The following IL19 variants were observed in gnomAD, a reference collection of about 807,000 sequenced individuals.
IL19 encodes interleukin 19.
IL19 carries 15 observed loss-of-function variants against 19.5 expected under a neutral mutation model. The observed-to-expected ratio is 0.77, with a 90% CI of 0.52 to 1.19. IL19 has a LOEUF of 1.19. Among genes scored for constraint, IL19 ranks in the 50% most tolerant of loss-of-function variants. IL19 has a pLI of 0.00. For missense variants in IL19, 199 were observed against 213.1 expected, an observed-to-expected ratio of 0.93 and a Z score of 0.41; for synonymous variants, 78 against 78.3, an observed-to-expected ratio of 1.00 and a Z score of 0.02.
chr1:206,807,221 A>G (rs1675870465), intron 2 of IL19, among the ~76,000 whole-genome samples: 1 of 152,216 alleles, frequency 6.6e-6, no homozygotes, highest in African/African-American at 2.4e-5. Flanking sequence ...GGTCCCTCCC[A>G]TGACATGTGG....
intron 2 of IL19, among the ~76,000 whole-genome samples, chr1:206,833,543 G>A (rs1676681365): frequency 6.6e-6 from 1 of 152,236 alleles, no homozygotes; most frequent in Admixed American, 6.5e-5. Context: ...TTAATGGGAA[G>A]AAACTGTTTA....
At position 206,771,366 on chromosome 1, in the gene IL19, T is replaced by C. The variant is rs545228684; in HGVS notation, c.-149+288T>C. 4 of 1,613,834 alleles carry C rather than the reference T, an allele frequency of 2.5e-6. No individual in the cohort carries two copies. The East Asian group carries it at 8.9e-5, about 36-fold the overall frequency. On this transcript the variant is annotated intron_variant, in intron 1 of 6. Transcript: ENST00000659997. ...CGCCCCTGCTCTCACCTTAAAGTCC[T>C]CCAGCAAGGACTCCTTTAACAACAA...
At chr1:206,811,225 G>A (rs913681406) in intron 2 of IL19, among the ~76,000 whole-genome samples, 2 of 152,048 alleles carry the variant, frequency 1.3e-5, no homozygotes, top group African/African-American at 4.8e-5. Flanking sequence ...AAGATGGCCA[G>A]CTACTAAAAT....
At chr1:206,820,616 G>A (rs1273432000) in intron 2 of IL19, among the ~76,000 whole-genome samples, 3 of 152,158 alleles carry the variant, frequency 2.0e-5, no homozygotes, top group East Asian at 1.9e-4. Flanking sequence ...CCACAACAGC[G>A]GCTTCAAATA....
At chr1:206,802,783 C>T (rs187126845) in intron 2 of IL19, among the ~76,000 whole-genome samples, 1 of 152,166 alleles carries the variant, frequency 6.6e-6, no homozygotes, top group Admixed American at 6.5e-5. Flanking sequence ...TTGCTCTGTC[C>T]TCTATGCCCA....
intron 5 of IL19, 98 bp downstream of exon 5, chr1:206,840,100 G>A: frequency 1.5e-6 from 2 of 1,341,702 alleles, no homozygotes. Flanking sequence ...ATGGTGCTTG[G>A]AGTCAAAGGA....
intron 2 of IL19, among the ~76,000 whole-genome samples, chr1:206,809,213 C>T (rs1256764321): frequency 1.3e-5 from 2 of 152,302 alleles, no homozygotes; most frequent in East Asian, 3.9e-4. Context: ...CTGCTATTTG[C>T]TATCTGTGTA....
chr1:206,834,909 G>A (rs1676733224), intron 2 of IL19, among the ~76,000 whole-genome samples: 1 of 152,134 alleles, frequency 6.6e-6, no homozygotes, highest in Admixed American at 6.5e-5. Flanking sequence ...TCAAACCCTG[G>A]CTTGGGCAGG....
At chr1:206,807,829 C>T (rs1365504501) in intron 2 of IL19, among the ~76,000 whole-genome samples, 4 of 152,160 alleles carry the variant, frequency 2.6e-5, no homozygotes, top group South Asian at 4.2e-4. Flanking sequence ...CAAAAAGAAA[C>T]ATTGAAATGG....
At chr1:206,833,466 T>C (rs1175095087) in intron 2 of IL19, among the ~76,000 whole-genome samples, 1 of 152,232 alleles carries the variant, frequency 6.6e-6, no homozygotes, top group African/African-American at 2.4e-5. Context: ...AGCGACTCCA[T>C]TTAGGTTTGG....
intron 2 of IL19, among the ~76,000 whole-genome samples, chr1:206,831,936 A>AG (rs1291532682): frequency 6.6e-6 from 1 of 152,238 alleles, no homozygotes; most frequent in East Asian, 1.9e-4. Context: ...CCTGAGCACA[A>AG]GGGGTGAATG....
chr1:206,839,763 G>C, intron 4 of IL19, 87 bp from the exon 5 acceptor site: 2 of 1,161,658 alleles, frequency 1.7e-6, no homozygotes, highest in Non-Finnish European at 2.5e-6. Flanking sequence ...TCTCTCATGT[G>C]TCGCTGCCCC....
At chr1:206,806,964 G>A (rs1013512983) in intron 2 of IL19, among the ~76,000 whole-genome samples, 7 of 152,148 alleles carry the variant, frequency 4.6e-5, no homozygotes, top group South Asian at 4.1e-4. Flanking sequence ...CCCAAGACTG[G>A]GTAATTTATA....
chr1:206,788,591 C>G (rs1229166070), intron 1 of IL19, among the ~76,000 whole-genome samples: 1 of 151,618 alleles, frequency 6.6e-6, no homozygotes, highest in Non-Finnish European at 1.5e-5. Flanking sequence ...ATGAACTGTA[C>G]AGTGGTGAAA....
At chr1:206,817,006 C>G (rs915708320) in intron 2 of IL19, among the ~76,000 whole-genome samples, 3 of 152,144 alleles carry the variant, frequency 2.0e-5, no homozygotes, top group African/African-American at 7.2e-5. Flanking sequence ...AACAGAAACT[C>G]TTGAGCTGGC....
At chr1:206,772,485 C>T (rs1487090769) in intron 1 of IL19, 2 of 1,576,912 alleles carry the variant, frequency 1.3e-6, no homozygotes, top group African/African-American at 2.7e-5. Flanking sequence ...AGAGCAAGCC[C>T]CTGATGTGTA....
rs1386697915 is a variant in IL19, at chr1:206,798,911, C to T, written c.-98C>T. Reference sequence around the variant, plus strand: ...AGTCCAAGAATGTGCACTGAGGGAGCGTTTCCGCACAGATCTGCGTGTTCC... The same window carrying T: ...AGTCCAAGAATGTGCACTGAGGGAGTGTTTCCGCACAGATCTGCGTGTTCC... On this transcript the variant is annotated 5_prime_UTR_variant, in exon 2 of 7. Coordinates refer to ENST00000659997, the MANE Select transcript of IL19 (RefSeq NM_153758.5). The T allele has an allele frequency of 8.7e-6, 14 of 1,612,296 alleles. No homozygotes were observed. Among genetic ancestry groups the T allele is most frequent in the Admixed American group, 8.3e-5 (5 of 59,888 alleles).
At chr1:206,798,740 C>T in intron 1 of IL19, 121 bp from the exon 2 acceptor site, 2 of 585,678 alleles carry the variant, frequency 3.4e-6, no homozygotes. Flanking sequence ...TTCAGAGTAG[C>T]TGGGTTGAAT....
At chr1:206,808,847 G>A (rs901673866) in intron 2 of IL19, among the ~76,000 whole-genome samples, 8 of 152,182 alleles carry the variant, frequency 5.3e-5, no homozygotes, top group Non-Finnish European at 1.2e-4. Flanking sequence ...CAAAGAAGGT[G>A]AGAGACAGAT....
Sources: gnomAD v4.1 joint callset for allele counts (sites outside exome capture counted in the v4.1 genomes callset) on GRCh38, gnomAD v4.1.1 for gene constraint, MANE v1.5 for transcripts, NCBI Gene and HGNC (gene_info 2026-07-23, HGNC 2026-07-21) for gene names.